CHODL: variants seen among roughly 807,000 people sequenced by gnomAD.
The protein encoded by CHODL is chondrolectin.
A neutral mutation model predicts 34.5 loss-of-function variants in CHODL; 29 were observed. The ratio of observed to expected loss-of-function variants is 0.84; its 90% CI spans 0.63 to 1.15. CHODL has a LOEUF of 1.15. CHODL is among the 50% of genes most tolerant of loss of function. The pLI is 0.00. For synonymous variants in CHODL, 125 were observed against 116.1 expected, an observed-to-expected ratio of 1.08 and a Z score of -0.49; for missense variants, 332 against 332.5, an observed-to-expected ratio of 1.00 and a Z score of 0.01.
At position 18,106,252 on chromosome 21, in the gene CHODL, C is replaced by T. The variant is rs550522990; in HGVS notation, c.-45+78281C>T. On this transcript the variant is annotated intron_variant, in intron 2 of 6. Coordinates refer to the CHODL transcript ENST00000400127. ...CATAAATCCATATAAAATTTTCAGACCTAAGTCATTTCCAACACCCCAGAG... is the reference window on the plus strand; with the variant it reads ...CATAAATCCATATAAAATTTTCAGATCTAAGTCATTTCCAACACCCCAGAG... Among the ~76,000 whole-genome samples, 44 of 152,158 alleles carry T rather than the reference C, an allele frequency of 2.9e-4. 1 individual carries two copies. The South Asian group carries it at 8.1e-3, about 28-fold the overall frequency.
At chr21:17,988,287 G>A (rs1409585563) in intron 1 of CHODL, among the ~76,000 whole-genome samples, 16 of 151,758 alleles carry the variant, frequency 1.1e-4, no homozygotes, top group South Asian at 2.1e-4. Context: ...CCCACTGATT[G>A]CACAGGCTTC....
chr21:18,093,699 T>A (rs2065102581), intron 2 of CHODL, among the ~76,000 whole-genome samples: 1 of 152,118 alleles, frequency 6.6e-6, no homozygotes, highest in Non-Finnish European at 1.5e-5. Context: ...TATTTGGAAG[T>A]CTTGTAGTAA....
chr21:18,207,680 T>TTTTTTTTC (rs2073727635), intron 2 of CHODL, among the ~76,000 whole-genome samples: 1 of 147,660 alleles, frequency 6.8e-6, no homozygotes, highest in African/African-American at 2.5e-5. Context: ...TTTTTTTTTT[T>TTTTTTTTC]GCGGGGAAAG....
intron 2 of CHODL, among the ~76,000 whole-genome samples, chr21:18,237,861 G>A (rs1191592068): frequency 6.6e-6 from 1 of 152,094 alleles, no homozygotes; most frequent in African/African-American, 2.4e-5. Flanking sequence ...ACCTACTGGT[G>A]GAGAATAAAC....
intron 2 of CHODL, among the ~76,000 whole-genome samples, chr21:18,050,323 G>A (rs2064498085): frequency 6.6e-6 from 1 of 151,942 alleles, no homozygotes; most frequent in African/African-American, 2.4e-5. Context: ...TAGGCTTAGG[G>A]AAGAGTTGGG....
At chr21:18,009,230 C>T (rs1378316466) in intron 1 of CHODL, among the ~76,000 whole-genome samples, 1 of 152,012 alleles carries the variant, frequency 6.6e-6, no homozygotes, top group Non-Finnish European at 1.5e-5. Context: ...ATACTTTAGC[C>T]TATATAGCTA....
intron 1 of CHODL, among the ~76,000 whole-genome samples, chr21:18,013,635 C>CTTTTTTTTTCTTTTTTTTTTTTTTTT (rs2064041149): frequency 1.4e-5 from 1 of 71,896 alleles, no homozygotes; most frequent in Non-Finnish European, 2.5e-5. Context: ...GCTGCTGCTG[C>CTTTTTTTTTCTTTTTTTTTTTTTTTT]TTTTTTTTTT....
intron 2 of CHODL, among the ~76,000 whole-genome samples, chr21:18,223,837 A>G (rs943598040): frequency 2.6e-5 from 4 of 152,214 alleles, no homozygotes; most frequent in Admixed American, 2.6e-4. Context: ...GAAGGCAGGG[A>G]ATGATCTCCT....
intron 2 of CHODL, among the ~76,000 whole-genome samples, chr21:18,215,399 C>T (rs1021957990): frequency 4.6e-5 from 7 of 152,098 alleles, no homozygotes; most frequent in Middle Eastern, 3.4e-3. Flanking sequence ...GGAAGGAATA[C>T]GTCTAATAAT....
intron 1 of CHODL, among the ~76,000 whole-genome samples, chr21:18,246,909 G>A (rs898490941): frequency 6.6e-6 from 1 of 152,068 alleles, no homozygotes; most frequent in African/African-American, 2.4e-5. Context: ...CATCTTGTAG[G>A]TGACATCTGG....
chr21:17,975,672 G>T (rs2063656387), intron 1 of CHODL, among the ~76,000 whole-genome samples: 1 of 152,004 alleles, frequency 6.6e-6, no homozygotes, highest in Non-Finnish European at 1.5e-5. Context: ...TATTCCTTCT[G>T]TACTATTTAC....
At chr21:18,024,737 T>C (rs1306840740) in intron 1 of CHODL, 2 of 152,194 alleles carry the variant, frequency 1.3e-5, no homozygotes, top group African/African-American at 4.8e-5. Context: ...CCTGTTGTAT[T>C]GAGTATCATC....
chr21:17,973,682 C>T (rs541780439), intron 1 of CHODL, among the ~76,000 whole-genome samples: 5 of 151,670 alleles, frequency 3.3e-5, no homozygotes, highest in South Asian at 2.1e-4. Flanking sequence ...AGCCTCCCAG[C>T]GTGCTGGGAT....
rs147280660 is a variant in CHODL at position 18,136,719 on chromosome 21, CATATATATATAT to C, written c.-45+108771_-45+108782del. Among the ~76,000 whole-genome samples, 619 of 118,746 alleles carry C rather than the reference CATATATATATAT, an allele frequency of 5.2e-3. 3 individuals are homozygous for C. The highest frequency in any genetic ancestry group is 0.015 in the Middle Eastern group (3 of 206). 77.9% of individuals were successfully genotyped at this position (118,746 alleles called of 152,430 possible). On this transcript the variant is annotated intron_variant, in intron 2 of 6. Transcript: ENST00000400127. Reference sequence around the variant, plus strand: ...TCTCAATGAAGAAGGTAAATCAAAGCATATATATATATATATATATATATATATATATATGTA... The same window carrying C: ...TCTCAATGAAGAAGGTAAATCAAAGCATATATATATATATATATATATGTA...
chr21:18,160,356 A>T (rs1357926238), intron 2 of CHODL, among the ~76,000 whole-genome samples: 1 of 151,916 alleles, frequency 6.6e-6, no homozygotes, highest in African/African-American at 2.4e-5. Flanking sequence ...CTTTTATTTT[A>T]AGTTCAGGGG....
intron 2 of CHODL, among the ~76,000 whole-genome samples, chr21:18,032,052 C>G (rs1392593072): frequency 6.6e-6 from 1 of 151,958 alleles, no homozygotes; most frequent in Non-Finnish European, 1.5e-5. Context: ...AGCTGATAAA[C>G]AGAACTCAAA....
intron 2 of CHODL, among the ~76,000 whole-genome samples, chr21:18,054,024 A>G (rs935172311): frequency 2.6e-5 from 4 of 151,914 alleles, no homozygotes; most frequent in African/African-American, 9.7e-5. Flanking sequence ...AGTAAGATAT[A>G]TATCTGTGAT....
At chr21:18,224,133 C>T (rs2146744235) in intron 2 of CHODL, among the ~76,000 whole-genome samples, 1 of 152,278 alleles carries the variant, frequency 6.6e-6, no homozygotes, top group Admixed American at 6.5e-5. Flanking sequence ...CTGAACCCTT[C>T]AGTCTGGAGC....
Position 18,227,422 on chromosome 21 carries a change from TTAAACACCTC to T in CHODL, c.-44-29086_-44-29077del, listed in dbSNP as rs2073940649. Among the ~76,000 whole-genome samples, 4 of 152,298 alleles carry T rather than the reference TTAAACACCTC, an allele frequency of 2.6e-5. No individual in the cohort carries two copies. The South Asian group carries it at 6.2e-4, about 24-fold the overall frequency. On this transcript the variant is annotated intron_variant, in intron 2 of 6. Coordinates refer to the CHODL transcript ENST00000400127. ...TGATATGTACATTTTAAAACATTGT[TTAAACACCTC>T]GTTTAAAACTTTACAACATATATGT...
Sources: allele counts gnomAD v4.1 joint callset (sites outside exome capture counted in the v4.1 genomes callset), GRCh38; gene constraint gnomAD v4.1.1; transcripts MANE v1.5; gene names NCBI Gene and HGNC (gene_info 2026-07-23, HGNC 2026-07-21).